Variants in MBNL1 observed in about 807,000 individuals in gnomAD.
MBNL1 encodes the protein muscleblind like splicing regulator 1, also known as muscleblind-like protein 1.
Under a neutral mutation model 42.2 loss-of-function variants are expected in MBNL1, and 8 were observed. That is an observed-to-expected ratio of 0.19 (90% confidence interval 0.11 to 0.34). The LOEUF (loss-of-function observed/expected upper bound fraction) is 0.34, where lower values mean the gene tolerates loss of function less well. Among genes scored for constraint, MBNL1 ranks in the 10% least tolerant of loss-of-function variants. MBNL1 has a pLI of 1.00. For missense variants in MBNL1, 309 were observed against 495.3 expected, an observed-to-expected ratio of 0.62 and a Z score of 3.57; for synonymous variants, 169 against 173.9, an observed-to-expected ratio of 0.97 and a Z score of 0.22.
chr3:152,435,944 C>T (rs1041875030), intron 4 of MBNL1, among the ~76,000 whole-genome samples: 4 of 152,016 alleles, frequency 2.6e-5, no homozygotes, highest in Admixed American at 2.0e-4. Flanking sequence ...AGCTTTTGGG[C>T]CGAGACTATG....
chr3:152,269,617 T>A, intron 1 of MBNL1: 1 of 426,152 alleles, frequency 2.3e-6, no homozygotes, highest in South Asian at 1.7e-5. Context: ...CATGTTTAGC[T>A]GGGCTGCCTT....
intron 9 of MBNL1, among the ~76,000 whole-genome samples, chr3:152,460,240 C>A (rs1326887119): frequency 4.7e-5 from 7 of 147,476 alleles, no homozygotes; most frequent in Non-Finnish European, 1.0e-4. Flanking sequence ...GGCAACAGAG[C>A]AAGACCTGTC....
chr3:152,450,694 T>C (rs768466085), intron 6 of MBNL1, among the ~76,000 whole-genome samples: 2 of 152,200 alleles, frequency 1.3e-5, no homozygotes, highest in African/African-American at 2.4e-5. Flanking sequence ...TAAACCACAA[T>C]TGATTGTGTA....
intron 2 of MBNL1, among the ~76,000 whole-genome samples, chr3:152,386,803 A>C (rs1337655327): frequency 6.6e-6 from 1 of 152,094 alleles, no homozygotes; most frequent in Non-Finnish European, 1.5e-5. Flanking sequence ...TTTAGGCAAC[A>C]TTTTAGACTT....
intron 2 of MBNL1, among the ~76,000 whole-genome samples, chr3:152,333,359 A>T (rs2086736014): frequency 6.6e-6 from 1 of 152,180 alleles, no homozygotes; most frequent in African/African-American, 2.4e-5. Flanking sequence ...CACATATAAG[A>T]TAAGTTTGTG....
chr3:152,274,375 G>A (rs918753309), intron 1 of MBNL1, among the ~76,000 whole-genome samples: 2 of 151,998 alleles, frequency 1.3e-5, no homozygotes, highest in African/African-American at 2.4e-5. Context: ...ATAGATATAC[G>A]TTGTCCTCAA....
At chr3:152,269,489 T>G in intron 1 of MBNL1, 1 of 454,784 alleles carries the variant, frequency 2.2e-6, no homozygotes, top group Non-Finnish European at 4.4e-6. Flanking sequence ...CGCGCGGGTC[T>G]TCCCGGCGGC....
At chr3:152,371,609 G>C (rs1314245752) in intron 2 of MBNL1, among the ~76,000 whole-genome samples, 2 of 152,124 alleles carry the variant, frequency 1.3e-5, no homozygotes, top group Admixed American at 6.5e-5. Flanking sequence ...ACAAAAAAAA[G>C]AATGTTGAAT....
chr3:152,306,250 G>A (rs968401439), intron 2 of MBNL1, among the ~76,000 whole-genome samples: 5 of 152,216 alleles, frequency 3.3e-5, no homozygotes, highest in African/African-American at 1.2e-4. Context: ...TTGCATAACA[G>A]AGACACCTCC....
intron 2 of MBNL1, among the ~76,000 whole-genome samples, chr3:152,359,878 C>A (rs1333675750): frequency 6.6e-6 from 1 of 152,186 alleles, no homozygotes; most frequent in African/African-American, 2.4e-5. Flanking sequence ...TTTTCTTCAT[C>A]TGCAGTTAGA....
intron 2 of MBNL1, among the ~76,000 whole-genome samples, chr3:152,398,339 GT>G (rs1047237677): frequency 3.4e-4 from 51 of 149,180 alleles, no homozygotes; most frequent in African/African-American, 5.6e-4. Flanking sequence ...GTATAGCACA[GT>G]TTTTTTTTTA....
At chr3:152,368,974 C>T (rs2096545994) in intron 2 of MBNL1, among the ~76,000 whole-genome samples, 1 of 152,188 alleles carries the variant, frequency 6.6e-6, no homozygotes, top group Non-Finnish European at 1.5e-5. Context: ...AATTTGACTT[C>T]CTCTCTTCCT....
At chr3:152,459,878 T>C (rs1457320268) in intron 9 of MBNL1, among the ~76,000 whole-genome samples, 1 of 151,196 alleles carries the variant, frequency 6.6e-6, no homozygotes, top group Non-Finnish European at 1.5e-5. Flanking sequence ...TTTTTTTTTT[T>C]TTTTTCATTC....
At chr3:152,281,181 G>A (rs531976241) in intron 1 of MBNL1, among the ~76,000 whole-genome samples, 1 of 152,210 alleles carries the variant, frequency 6.6e-6, no homozygotes, top group South Asian at 2.1e-4. Flanking sequence ...TATCTTTCTG[G>A]CTCCCAAGTG....
chr3:152,259,577 T>C (rs866531631), intron 2 of MBNL1, among the ~76,000 whole-genome samples: 15 of 152,340 alleles, frequency 9.8e-5, no homozygotes, highest in African/African-American at 3.4e-4. Flanking sequence ...TCTGTAGATA[T>C]CATACCCTTA....
chr3:152,312,591 ATCTT>A (rs1436142428), intron 2 of MBNL1, among the ~76,000 whole-genome samples: 17 of 152,216 alleles, frequency 1.1e-4, no homozygotes, highest in African/African-American at 3.9e-4. Flanking sequence ...AGTCTAAGTT[ATCTT>A]TCTTCTTATG....
At chr3:152,306,643 TA>T (rs1193993439) in intron 2 of MBNL1, among the ~76,000 whole-genome samples, 4 of 152,212 alleles carry the variant, frequency 2.6e-5, no homozygotes, top group Non-Finnish European at 4.4e-5. Context: ...ATTATTATTT[TA>T]AAAAACTGTT....
At chr3:152,399,518 A>ATT (rs879464935) in intron 2 of MBNL1, among the ~76,000 whole-genome samples, 16 of 147,144 alleles carry the variant, frequency 1.1e-4, no homozygotes, top group African/African-American at 4.0e-4. Flanking sequence ...TTAATTAATT[A>ATT]TTTTTTTTTT....
intron 2 of MBNL1, among the ~76,000 whole-genome samples, chr3:152,256,998 A>G (rs1465862656): frequency 2.6e-5 from 4 of 152,128 alleles, no homozygotes; most frequent in African/African-American, 9.7e-5. Flanking sequence ...ATAGAAAACC[A>G]TTGTGCTACT....
Sources: allele counts gnomAD v4.1 joint callset (sites outside exome capture counted in the v4.1 genomes callset), GRCh38; gene constraint gnomAD v4.1.1; transcripts MANE v1.5; gene names NCBI Gene and HGNC (gene_info 2026-07-23, HGNC 2026-07-21).